EDARADD: variants seen among roughly 807,000 people sequenced by gnomAD.
EDARADD encodes ectodysplasin-A receptor-associated adapter protein.
EDARADD carries 20 observed loss-of-function variants against 25.6 expected under a neutral mutation model. The observed-to-expected ratio is 0.78, with a 90% CI of 0.55 to 1.14. The LOEUF (loss-of-function observed/expected upper bound fraction) is 1.14. Among genes scored for constraint, EDARADD ranks in the 50% most tolerant of loss-of-function variants. The probability of loss-of-function intolerance (pLI) is 0.00; values close to 1 mark genes in which losing one functional copy is unlikely to be tolerated. For missense variants in EDARADD, 225 were observed against 270.1 expected, an observed-to-expected ratio of 0.83 and a Z score of 1.17; for synonymous variants, 86 against 94.4, an observed-to-expected ratio of 0.91 and a Z score of 0.52.
In EDARADD at chr1:236,483,912, G is replaced by A. The variant is rs1355164128; in HGVS notation, c.*1263G>A. ...CGTCAGCATGGACGTAGAGGCCTCC[G>A]AGTTCTTCAGGTCTGGAAAGTATGA... On this transcript the variant is annotated 3_prime_UTR_variant, in exon 6 of 6. Coordinates refer to ENST00000334232, the MANE Select transcript of EDARADD (RefSeq NM_145861.4). The A allele has an allele frequency of 6.5e-6, 9 of 1,375,468 alleles. No homozygotes were observed. The highest frequency in any genetic ancestry group is 1.4e-5 in the African/African-American group (1 of 70,080). 85.2% of individuals were successfully genotyped at this position (1,375,468 alleles called of 1,614,324 possible). A position where few individuals can be genotyped will look rare whatever the true frequency, so the allele number is the denominator to read the frequency against.
chr1:236,459,387 G>A (rs1658978309), intron 4 of EDARADD, among the ~76,000 whole-genome samples: 1 of 152,080 alleles, frequency 6.6e-6, no homozygotes, highest in Non-Finnish European at 1.5e-5. Context: ...CATAGCAAAG[G>A]TATGAAATTA....
intron 4 of EDARADD, among the ~76,000 whole-genome samples, chr1:236,456,766 C>T (rs771722940): frequency 3.5e-5 from 5 of 142,694 alleles, no homozygotes; most frequent in Non-Finnish European, 7.5e-5. Context: ...GTCACGCTCC[C>T]AACTCATCCC....
At chr1:236,405,866 CTTCCTTCCTTCTTTCT>C (rs1667716310) in intron 1 of EDARADD, among the ~76,000 whole-genome samples, 4 of 40,824 alleles carry the variant, frequency 9.8e-5, no homozygotes, top group African/African-American at 3.5e-4. Flanking sequence ...TCCTTCCTTC[CTTCCTTCCTTCTTTCT>C]TTCTTTCTTT....
chr1:236,420,057 G>T (rs987607658), intron 3 of EDARADD, among the ~76,000 whole-genome samples: 1 of 152,108 alleles, frequency 6.6e-6, no homozygotes, highest in African/African-American at 2.4e-5. Context: ...GTGGTGGCAC[G>T]CACCTGTAAT....
intron 4 of EDARADD, among the ~76,000 whole-genome samples, chr1:236,464,253 A>T (rs11345752): frequency 0.64 from 91,027 of 141,506 alleles, 28,528 homozygotes; most frequent in African/African-American, 0.69. Flanking sequence ...TGCAAGTATT[A>T]TTTTTTTTTT....
Position 236,483,982 on chromosome 1 carries a change from C to G in EDARADD, c.*1333C>G. 1 of 1,385,460 alleles carries G rather than the reference C, an allele frequency of 7.2e-7. No homozygotes were observed. Among genetic ancestry groups the G allele is most frequent in the Non-Finnish European group, 1.0e-6 (1 of 974,032 alleles). The allele number at this position is 1,385,460 out of a possible 1,614,324, so 85.8% of individuals were successfully genotyped here. On this transcript the variant is annotated 3_prime_UTR_variant, in exon 6 of 6. Coordinates refer to ENST00000334232, the MANE Select transcript of EDARADD (RefSeq NM_145861.4). The stretch of plus-strand genomic sequence containing the variant: ...GACGACCCCACCAGGTACATCTCAC[C>G]TGACTGTCTGGCTGACCTGTACAAG...
upstream of EDARADD, among the ~76,000 whole-genome samples, chr1:236,390,095 T>C (rs1292519257): frequency 6.6e-6 from 1 of 152,142 alleles, no homozygotes; most frequent in Non-Finnish European, 1.5e-5. Flanking sequence ...TTCTCACTGA[T>C]GTGTAGGAGC....
At chr1:236,426,227 C>T (rs1339218213) in intron 3 of EDARADD, among the ~76,000 whole-genome samples, 1 of 152,194 alleles carries the variant, frequency 6.6e-6, no homozygotes, top group Non-Finnish European at 1.5e-5. Context: ...CTCCTCCTGC[C>T]TCAGCCTCCT....
chr1:236,432,263 C>CTAAG lies in EDARADD; in HGVS notation c.219+4813_219+4814insTAAG, dbSNP rs1658116242. On this transcript the variant is annotated intron_variant, in intron 4 of 5. Coordinates refer to ENST00000334232, the MANE Select transcript of EDARADD (RefSeq NM_145861.4). ...TACAAAAATTAACCACACCTGTGGT[C>CTAAG]CCATGGTCCCAGCTGCTCAGGAGGC... Among the ~76,000 whole-genome samples the CTAAG allele has an allele frequency of 5.9e-5, 9 of 151,824 alleles. No homozygotes were observed. The South Asian group carries it at 1.9e-3, about 32-fold the overall frequency.
At chr1:236,351,118 G>A (rs1056510935) in intron 3 of EDARADD, among the ~76,000 whole-genome samples, 2 of 151,996 alleles carry the variant, frequency 1.3e-5, no homozygotes, top group African/African-American at 2.4e-5. Flanking sequence ...CAGCCTAGGC[G>A]ACGGTGAGAC....
At chr1:236,405,877 C>CCTTCCT (rs1553265554) in intron 1 of EDARADD, among the ~76,000 whole-genome samples, 80 of 31,242 alleles carry the variant, frequency 2.6e-3, no homozygotes, top group African/African-American at 7.8e-3. Context: ...TTCCTTCCTT[C>CCTTCCT]TTTCTTTCTT....
intron 3 of EDARADD, among the ~76,000 whole-genome samples, chr1:236,416,821 A>G (rs1216481220): frequency 6.6e-6 from 1 of 152,194 alleles, no homozygotes; most frequent in Non-Finnish European, 1.5e-5. Context: ...CACTAGTGGG[A>G]CCAATACTAT....
At chr1:236,460,797 G>A (rs1222977558) in intron 4 of EDARADD, among the ~76,000 whole-genome samples, 1 of 151,594 alleles carries the variant, frequency 6.6e-6, no homozygotes, top group African/African-American at 2.4e-5. Context: ...CACTGACTGT[G>A]TGACATGAGA....
intron 3 of EDARADD, among the ~76,000 whole-genome samples, chr1:236,360,621 C>G (rs944635489): frequency 2.7e-5 from 4 of 147,094 alleles, no homozygotes; most frequent in African/African-American, 1.0e-4. Context: ...TCTTGGTTCA[C>G]TGTAACCTCC....
At chr1:236,380,022 T>G (rs979414232) in intron 3 of EDARADD, among the ~76,000 whole-genome samples, 1 of 152,202 alleles carries the variant, frequency 6.6e-6, no homozygotes, top group African/African-American at 2.4e-5. Flanking sequence ...TTGAGGTTGC[T>G]GATGTGCAGG....
intron 5 of EDARADD, among the ~76,000 whole-genome samples, chr1:236,477,310 T>G (rs143558513): frequency 7.2e-5 from 11 of 151,814 alleles, no homozygotes; most frequent in African/African-American, 2.7e-4. Context: ...GGTCAGGAAA[T>G]CGAGACCATC....
chr1:236,419,063 G>A (rs986571517), intron 3 of EDARADD, among the ~76,000 whole-genome samples: 8 of 152,140 alleles, frequency 5.3e-5, no homozygotes, highest in African/African-American at 1.2e-4. Flanking sequence ...TAGAGGGGAC[G>A]GAGAGGACTA....
intron 5 of EDARADD, among the ~76,000 whole-genome samples, chr1:236,468,884 A>G (rs990830643): frequency 1.3e-5 from 2 of 152,112 alleles, no homozygotes; most frequent in Admixed American, 6.6e-5. Flanking sequence ...TCTGAGTTCT[A>G]AGAGCCATAG....
chr1:236,458,889 G>A (rs12758383), intron 4 of EDARADD, among the ~76,000 whole-genome samples: 26,725 of 152,004 alleles, frequency 0.18, 2,987 homozygotes, highest in Non-Finnish European at 0.25. Flanking sequence ...CGATCTGCCT[G>A]CTTCAGCCTC....
Sources: allele counts gnomAD v4.1 joint callset (sites outside exome capture counted in the v4.1 genomes callset), GRCh38; gene constraint gnomAD v4.1.1; transcripts MANE v1.5; gene names NCBI Gene and HGNC (gene_info 2026-07-23, HGNC 2026-07-21).